Variants in SVIL observed in about 807,000 individuals in gnomAD.
SVIL encodes the protein supervillin.
Under a neutral mutation model 240.4 loss-of-function variants are expected in SVIL, and 101 were observed. The ratio of observed to expected loss-of-function variants is 0.42; its 90% CI spans 0.36 to 0.50. The LOEUF is 0.50. SVIL is among the 20% of genes least tolerant of loss of function. SVIL has a pLI of 0.01. For synonymous variants in SVIL, 999 were observed against 1,100.0 expected (o/e 0.91, Z 1.82); for missense variants, 2,512 against 2,818.7 (o/e 0.89, Z 2.46).
At chr10:29,577,311 T>C (rs962582933) in intron 1 of SVIL, among the ~76,000 whole-genome samples, 1 of 152,208 alleles carries the variant, frequency 6.6e-6, no homozygotes, top group Non-Finnish European at 1.5e-5. Flanking sequence ...ACCTAATATG[T>C]AGTCTTTTAT....
chr10:29,501,479 G>C (rs921407201), intron 17 of SVIL, among the ~76,000 whole-genome samples: 4 of 150,384 alleles, frequency 2.7e-5, no homozygotes, highest in Non-Finnish European at 5.9e-5. Context: ...AAGGGAGCGA[G>C]AGTGAAGGAG....
chr10:29,540,371 G>T (rs1345970219), intron 6 of SVIL, among the ~76,000 whole-genome samples: 1 of 152,214 alleles, frequency 6.6e-6, no homozygotes, highest in East Asian at 1.9e-4. Context: ...GGAACTATGT[G>T]TGGTGAACAG....
intron 1 of SVIL, among the ~76,000 whole-genome samples, chr10:29,592,402 G>A (rs1956426166): frequency 6.6e-6 from 1 of 152,192 alleles, no homozygotes; most frequent in East Asian, 1.9e-4. Flanking sequence ...ACAAGGCAAG[G>A]GGCAAGAAGA....
chr10:29,599,121 A>G (rs1427409615), intron 1 of SVIL, among the ~76,000 whole-genome samples: 1 of 152,170 alleles, frequency 6.6e-6, no homozygotes, highest in Admixed American at 6.5e-5. Context: ...TAGCTTTAGA[A>G]ACATTTGATC....
intron 1 of SVIL, among the ~76,000 whole-genome samples, chr10:29,599,423 CT>C (rs35242004): frequency 6.7e-6 from 1 of 149,640 alleles, no homozygotes; most frequent in African/African-American, 2.5e-5. Context: ...TGTTTTAAAA[CT>C]TTTTTTTTTG....
intron 30 of SVIL, among the ~76,000 whole-genome samples, chr10:29,471,689 C>T (rs1945599758): frequency 6.6e-6 from 1 of 152,134 alleles, no homozygotes. Context: ...TTGTGGCCAC[C>T]CCAGCAGTCC....
intron 1 of SVIL, among the ~76,000 whole-genome samples, chr10:29,695,338 G>T (rs377021188): frequency 6.8e-4 from 103 of 152,272 alleles, no homozygotes; most frequent in African/African-American, 2.3e-3. Context: ...ACACTATTCA[G>T]GGGGCAGGTA....
chr10:29,510,446 C>G, intron 17 of SVIL, among the ~76,000 whole-genome samples: 1 of 151,132 alleles, frequency 6.6e-6, no homozygotes, highest in East Asian at 1.9e-4. Context: ...GAAGGAACTT[C>G]TAGAGTCCCC....
At chr10:29,584,091 G>A (rs541260954) in intron 1 of SVIL, among the ~76,000 whole-genome samples, 39 of 152,318 alleles carry the variant, frequency 2.6e-4, no homozygotes, top group African/African-American at 9.4e-4. Flanking sequence ...CCTGGAGGAC[G>A]AGACTGGAGA....
At chr10:29,572,010 T>C (rs1955446190) in intron 1 of SVIL, among the ~76,000 whole-genome samples, 1 of 152,182 alleles carries the variant, frequency 6.6e-6, no homozygotes. Context: ...CTGCAGGAAA[T>C]GTTTGCTGAA....
upstream of SVIL, among the ~76,000 whole-genome samples, chr10:29,636,187 C>T (rs1449669278): frequency 6.6e-6 from 1 of 151,930 alleles, no homozygotes; most frequent in Non-Finnish European, 1.5e-5. Context: ...CAGTCCTGAC[C>T]CTGATCTTCT....
In SVIL at chr10:29,675,787, T is replaced by C. The variant is rs558513388; in HGVS notation, c.-301+10766A>G. 1.9e-4 allele frequency among the ~76,000 whole-genome samples: 29 copies of C among 152,346 alleles called. No homozygotes were observed. The South Asian group carries it at 5.6e-3, about 29-fold the overall frequency. On this transcript the variant is annotated intron_variant, in intron 2 of 35. Coordinates refer to the SVIL transcript ENST00000375400. Reference sequence around the variant, plus strand: ...CTTGTTCATGATAGTAAAGATGTATTCATGGGTATCTTATTGCTACATGAC... The same window carrying C: ...CTTGTTCATGATAGTAAAGATGTATCCATGGGTATCTTATTGCTACATGAC...
intron 1 of SVIL, among the ~76,000 whole-genome samples, chr10:29,689,632 C>T (rs1043586616): frequency 3.9e-5 from 6 of 152,222 alleles, no homozygotes; most frequent in Non-Finnish European, 8.8e-5. Flanking sequence ...ACACACAGGT[C>T]AGGGAGCCCT....
rs754799636 is a variant in SVIL, at chr10:29,522,467, G to A, written c.3332C>T (p.Thr1111Met). The A allele has an allele frequency of 1.3e-5, 21 of 1,614,174 alleles. No individual in the cohort carries two copies. The highest frequency in any genetic ancestry group is 4.5e-5 in the East Asian group (2 of 44,886). Residue 1111 changes from threonine to methionine, a missense_variant, in exon 16 of 38, where the codon ACG (threonine) becomes ATG (methionine). This residue lies in a region of SVIL where 1,443 missense variants were observed against 1,486.6 expected (regional missense o/e 0.97). Coordinates refer to ENST00000355867, the MANE Select transcript of SVIL (RefSeq NM_021738.3). The stretch of plus-strand genomic sequence containing the variant: ...GTCAAGAAGGCCCTCCCCTGTCGGC[G>A]TTTTGATCTCTCCAGCAGCAAACAT... ...CAMFAAGEIK[T>M]PTGEGLLDSP...
chr10:29,585,924 T>A lies in SVIL; in HGVS notation c.-200-16612A>T, dbSNP rs143842849. Among the ~76,000 whole-genome samples the A allele has an allele frequency of 2.3e-3, 349 of 152,384 alleles. 4 individuals carry two copies. The highest frequency in any genetic ancestry group is 8.2e-3 in the African/African-American group (343 of 41,600). Reference sequence around the variant, plus strand: ...TCTGAGCGCGGTCACTGCCCCATCCTGAACGCAGGCTCCTCCAGGTGTTCG... The same window carrying A: ...TCTGAGCGCGGTCACTGCCCCATCCAGAACGCAGGCTCCTCCAGGTGTTCG... On this transcript the variant is annotated intron_variant, in intron 1 of 37. Coordinates refer to ENST00000355867, the MANE Select transcript of SVIL (RefSeq NM_021738.3).
intron 1 of SVIL, among the ~76,000 whole-genome samples, chr10:29,579,626 C>T (rs756903561): frequency 1.3e-5 from 2 of 152,106 alleles, no homozygotes; most frequent in African/African-American, 2.4e-5. Flanking sequence ...GACTGTGTAG[C>T]GCAGGTCACA....
chr10:29,641,902 A>G (rs1447150505), intron 3 of SVIL, among the ~76,000 whole-genome samples: 2 of 152,184 alleles, frequency 1.3e-5, no homozygotes, highest in African/African-American at 4.8e-5. Flanking sequence ...AGAAAACAAA[A>G]GAAAACAAAA....
intron 10 of SVIL, 96 bp downstream of exon 10, chr10:29,531,158 C>T: frequency 8.5e-7 from 1 of 1,181,920 alleles, no homozygotes; most frequent in South Asian, 1.4e-5. Context: ...CTGTTATGCT[C>T]CATCATCTTA....
intron 3 of SVIL, among the ~76,000 whole-genome samples, chr10:29,651,968 T>C (rs778049537): frequency 2.0e-5 from 3 of 152,078 alleles, no homozygotes; most frequent in Non-Finnish European, 4.4e-5. Context: ...GTCTCATCTA[T>C]CATGAAGTGC....
Sources: allele counts gnomAD v4.1 joint callset (sites outside exome capture counted in the v4.1 genomes callset), GRCh38; gene constraint gnomAD v4.1.1; regional missense constraint gnomAD v4.1.1; transcripts MANE v1.5; gene names NCBI Gene and HGNC (gene_info 2026-07-23, HGNC 2026-07-21).